IGSF21: variants seen among roughly 807,000 people sequenced by gnomAD.
IGSF21 encodes immunoglobin superfamily member 21, also known as immunoglobulin superfamily member 21.
In IGSF21, 28 loss-of-function variants were observed where a neutral mutation model predicts 46.8. The observed-to-expected ratio is 0.60, with a 90% confidence interval of 0.44 to 0.82. The LOEUF is 0.82. IGSF21 is among the 40% of genes least tolerant of loss of function. IGSF21 has a pLI of 0.00. For synonymous variants in IGSF21, 284 were observed against 273.6 expected (o/e 1.04, Z -0.38); for missense variants, 624 against 665.5 (o/e 0.94, Z 0.69).
intron 2 of IGSF21, among the ~76,000 whole-genome samples, chr1:18,275,118 A>ACAAATTT (rs1403893366): frequency 6.6e-6 from 1 of 152,226 alleles, no homozygotes; most frequent in Non-Finnish European, 1.5e-5. Context: ...AAAACCGATT[A>ACAAATTT]CAAATTTCAA....
chr1:18,377,076 T>C (rs2086290727), intron 8 of IGSF21, 84 bp downstream of exon 8: 1 of 1,431,888 alleles, frequency 7.0e-7, no homozygotes, highest in Non-Finnish European at 9.3e-7. Flanking sequence ...GAAGAAGCAG[T>C]AGGGGCCCAA....
chr1:18,133,638 C>T (rs1421847356), intron 1 of IGSF21, among the ~76,000 whole-genome samples: 1 of 152,262 alleles, frequency 6.6e-6, no homozygotes, highest in Non-Finnish European at 1.5e-5. Flanking sequence ...AGATCTTCCC[C>T]TACCAACAGT....
chr1:18,266,591 G>A (rs2084991746), intron 2 of IGSF21, among the ~76,000 whole-genome samples: 1 of 152,184 alleles, frequency 6.6e-6, no homozygotes, highest in Non-Finnish European at 1.5e-5. Flanking sequence ...ATGTACTCAT[G>A]GCAGTGGCCC....
At chr1:18,278,921 A>G in intron 2 of IGSF21, 1 of 471,562 alleles carries the variant, frequency 2.1e-6, no homozygotes, top group South Asian at 1.5e-5. Context: ...AAAGATTTTT[A>G]CACTTTCCTG....
intron 2 of IGSF21, among the ~76,000 whole-genome samples, chr1:18,240,857 C>T (rs1408812085): frequency 6.6e-6 from 1 of 152,204 alleles, no homozygotes; most frequent in African/African-American, 2.4e-5. Context: ...CTATTTGTTT[C>T]AGCTCTGGAA....
At chr1:18,351,640 C>G (rs2085956589) in intron 4 of IGSF21, among the ~76,000 whole-genome samples, 1 of 152,206 alleles carries the variant, frequency 6.6e-6, no homozygotes, top group South Asian at 2.1e-4. Flanking sequence ...CTACCTGCCT[C>G]CCCAAGCTTC....
intron 1 of IGSF21, among the ~76,000 whole-genome samples, chr1:18,190,855 C>T (rs1014659207): frequency 6.6e-6 from 1 of 152,156 alleles, no homozygotes; most frequent in Non-Finnish European, 1.5e-5. Flanking sequence ...TGATCTTGGC[C>T]TGTGATTGAG....
intron 3 of IGSF21, among the ~76,000 whole-genome samples, chr1:18,310,319 G>A (rs1041297672): frequency 6.6e-6 from 1 of 152,160 alleles, no homozygotes; most frequent in Non-Finnish European, 1.5e-5. Context: ...CACCAAGAGG[G>A]AGGTGCTATT....
intron 4 of IGSF21, among the ~76,000 whole-genome samples, chr1:18,352,970 C>T (rs1375565635): frequency 2.6e-5 from 4 of 152,120 alleles, no homozygotes; most frequent in African/African-American, 9.7e-5. Context: ...CCCCACCCCT[C>T]GCCACTGCAC....
chr1:18,274,848 A>C (rs1014597248), intron 2 of IGSF21, among the ~76,000 whole-genome samples: 1 of 152,202 alleles, frequency 6.6e-6, no homozygotes, highest in Non-Finnish European at 1.5e-5. Flanking sequence ...CAACACGGTG[A>C]AACCCCATCT....
chr1:18,374,582 C>T (rs1459611170), intron 6 of IGSF21, among the ~76,000 whole-genome samples: 2 of 151,912 alleles, frequency 1.3e-5, no homozygotes, highest in Admixed American at 6.5e-5. Flanking sequence ...CCCTTCCCAG[C>T]GATTCCCTCT....
chr1:18,329,744 G>A (rs1346411598), intron 3 of IGSF21, among the ~76,000 whole-genome samples: 1 of 152,182 alleles, frequency 6.6e-6, no homozygotes, highest in Non-Finnish European at 1.5e-5. Flanking sequence ...AAAACCTCTA[G>A]CATCCGTGTA....
In IGSF21 at chr1:18,290,690, G is replaced by A. The variant is rs2085256609; in HGVS notation, c.184-1176G>A. Among the ~76,000 whole-genome samples the A allele has an allele frequency of 6.6e-6, 1 of 152,184 alleles. No individual in the cohort carries two copies. The highest frequency in any genetic ancestry group is 2.4e-5 in the African/African-American group (1 of 41,446). ...GTACATATGTGTCCAGAGGAGCCCA[G>A]CTGTGTCTAGGGCCAGTACTCCCAG... On this transcript the variant is annotated intron_variant, in intron 2 of 9. Coordinates refer to ENST00000251296, the MANE Select transcript of IGSF21 (RefSeq NM_032880.5). This position sits in a 1 kb window ranked among gnomAD's most constrained non-coding sequence, Gnocchi z 4.2.
intron 1 of IGSF21, among the ~76,000 whole-genome samples, chr1:18,136,273 T>C (rs2086366996): frequency 6.6e-6 from 1 of 152,188 alleles, no homozygotes; most frequent in South Asian, 2.1e-4. Flanking sequence ...TTAGATCCCA[T>C]TTGTCAATTT....
At chr1:18,351,662 A>G (rs2085957013) in intron 4 of IGSF21, among the ~76,000 whole-genome samples, 1 of 152,210 alleles carries the variant, frequency 6.6e-6, no homozygotes, top group South Asian at 2.1e-4. Context: ...GTGGGCTTCC[A>G]GAGGCTTCTC....
chr1:18,157,858 C>A (rs2086581810), intron 1 of IGSF21, among the ~76,000 whole-genome samples: 1 of 152,086 alleles, frequency 6.6e-6, no homozygotes, highest in Non-Finnish European at 1.5e-5. Context: ...CTCAGGGCTC[C>A]CATAGGGTCT....
chr1:18,363,659 CA>C (rs1202564290), intron 5 of IGSF21, among the ~76,000 whole-genome samples: 4 of 149,278 alleles, frequency 2.7e-5, no homozygotes, highest in Non-Finnish European at 5.9e-5. Context: ...ACAGATGGAG[CA>C]ATGGGCAGGG....
At chr1:18,266,522 C>T (rs1315401795) in intron 2 of IGSF21, among the ~76,000 whole-genome samples, 1 of 152,222 alleles carries the variant, frequency 6.6e-6, no homozygotes, top group Non-Finnish European at 1.5e-5. Context: ...CTCACTGGGA[C>T]AACAGGAGTG....
At position 18,365,151 on chromosome 1, in the gene IGSF21, A is replaced by T. The variant is rs577733443; in HGVS notation, c.541-72A>T. On this transcript the variant is annotated intron_variant, in intron 5 of 9. Transcript: ENST00000251296. This position sits in a 1 kb window ranked among gnomAD's most constrained non-coding sequence, Gnocchi z 4.8. The stretch of plus-strand genomic sequence containing the variant: ...AGAACTGGCATCCTGTGCCCAGTTC[A>T]TCGGAGAACCCACTGGGAGGTTGAA... 2.0e-4 allele frequency: 242 copies of T among 1,194,078 alleles called. No individual in the cohort carries two copies. The African/African-American group carries it at 2.9e-3, about 14-fold the overall frequency. The allele number at this position is 1,194,078 out of a possible 1,614,324, so 74.0% of individuals were successfully genotyped here. A position where few individuals can be genotyped will look rare whatever the true frequency, so the allele number is the denominator to read the frequency against.
Sources: gnomAD v4.1 joint callset for allele counts (sites outside exome capture counted in the v4.1 genomes callset) on GRCh38, gnomAD v4.1.1 for gene constraint, Gnocchi (gnomAD v3.1) non-coding constraint, MANE v1.5 for transcripts, NCBI Gene and HGNC (gene_info 2026-07-23, HGNC 2026-07-21) for gene names.